The following SPATA16 variants were observed in gnomAD, a reference collection of about 807,000 sequenced individuals.
The protein encoded by SPATA16 is spermatogenesis-associated protein 16.
In SPATA16, 36 loss-of-function variants were observed where a neutral mutation model predicts 63.3. The observed-to-expected ratio is 0.57, with a 90% CI of 0.44 to 0.75. The LOEUF (loss-of-function observed/expected upper bound fraction) is 0.75. Among genes scored for constraint, SPATA16 ranks in the 30% least tolerant of loss-of-function variants. SPATA16 has a pLI of 0.00. For synonymous variants in SPATA16, 203 were observed against 216.7 expected, an observed-to-expected ratio of 0.94 and a Z score of 0.56; for missense variants, 646 against 679.3, an observed-to-expected ratio of 0.95 and a Z score of 0.54.
intron 4 of SPATA16, among the ~76,000 whole-genome samples, chr3:173,011,970 T>C (rs2108272255): frequency 6.6e-6 from 1 of 152,218 alleles, no homozygotes; most frequent in Non-Finnish European, 1.5e-5. Flanking sequence ...TGTGCCACCA[T>C]GCCCAGCTAA....
At chr3:172,985,565 A>G (rs935636801) in intron 4 of SPATA16, among the ~76,000 whole-genome samples, 6 of 152,230 alleles carry the variant, frequency 3.9e-5, no homozygotes, top group Non-Finnish European at 7.3e-5. Flanking sequence ...TAAGTACCTT[A>G]TGTTAACTAA....
intron 3 of SPATA16, among the ~76,000 whole-genome samples, chr3:173,022,229 G>A (rs2108278164): frequency 6.6e-6 from 1 of 152,188 alleles, no homozygotes; most frequent in East Asian, 1.9e-4. Context: ...GTATGGTGTT[G>A]AAGAAATGCA....
chr3:173,011,869 A>G (rs1392729676), intron 4 of SPATA16, among the ~76,000 whole-genome samples: 1 of 152,166 alleles, frequency 6.6e-6, no homozygotes, highest in Non-Finnish European at 1.5e-5. Flanking sequence ...GATGGAGTGC[A>G]GTGGCATGAT....
chr3:173,042,309 C>T (rs989983344), intron 3 of SPATA16, among the ~76,000 whole-genome samples: 9 of 152,066 alleles, frequency 5.9e-5, no homozygotes, highest in African/African-American at 2.2e-4. Context: ...GTGGCCTCTC[C>T]CTCCCGGGTT....
intron 2 of SPATA16, among the ~76,000 whole-genome samples, chr3:173,100,069 T>C (rs1384438399): frequency 6.6e-6 from 1 of 152,146 alleles, no homozygotes; most frequent in African/African-American, 2.4e-5. Flanking sequence ...TGTTTTAGAA[T>C]GCACTCCCAG....
At chr3:173,104,323 A>G (rs1311773625) in intron 2 of SPATA16, among the ~76,000 whole-genome samples, 1 of 152,180 alleles carries the variant, frequency 6.6e-6, no homozygotes, top group Non-Finnish European at 1.5e-5. Context: ...AGTTATCTTT[A>G]TAGCAGTGCC....
At chr3:173,057,968 A>G (rs1266987780) in intron 2 of SPATA16, among the ~76,000 whole-genome samples, 2 of 152,180 alleles carry the variant, frequency 1.3e-5, no homozygotes, top group African/African-American at 4.8e-5. Context: ...AGAGAAAACA[A>G]CTCTAGCAAC....
chr3:172,899,945 G>A (rs1732092889), intron 10 of SPATA16, among the ~76,000 whole-genome samples: 1 of 152,050 alleles, frequency 6.6e-6, no homozygotes. Flanking sequence ...ATTAAACAAT[G>A]TTATTATTTT....
intron 2 of SPATA16, among the ~76,000 whole-genome samples, chr3:173,072,055 A>T (rs7649522): frequency 0.19 from 28,266 of 152,038 alleles, 2,962 homozygotes; most frequent in African/African-American, 0.29. Context: ...CAGCAATCCC[A>T]TTACTGGATA....
At chr3:173,057,802 T>C (rs1408123034) in intron 2 of SPATA16, among the ~76,000 whole-genome samples, 1 of 152,228 alleles carries the variant, frequency 6.6e-6, no homozygotes, top group African/African-American at 2.4e-5. Flanking sequence ...TTACATCTAT[T>C]AAATCTCATA....
At chr3:173,040,258 A>G (rs1735809122) in intron 3 of SPATA16, among the ~76,000 whole-genome samples, 1 of 152,082 alleles carries the variant, frequency 6.6e-6, no homozygotes, top group Non-Finnish European at 1.5e-5. Context: ...ATATATAGCT[A>G]TATTTAATTA....
At chr3:173,109,690 C>A (rs1198640411) in intron 2 of SPATA16, among the ~76,000 whole-genome samples, 2 of 152,046 alleles carry the variant, frequency 1.3e-5, no homozygotes, top group African/African-American at 2.4e-5. Flanking sequence ...AGAAAAAAAT[C>A]TTTTAAAATA....
chr3:172,982,194 A>C (rs1159229731), intron 4 of SPATA16, among the ~76,000 whole-genome samples: 1 of 152,250 alleles, frequency 6.6e-6, no homozygotes, highest in Non-Finnish European at 1.5e-5. Context: ...TACATAGCTT[A>C]CTAGGATTCT....
At chr3:173,115,127 A>G (rs1355653) in intron 2 of SPATA16, among the ~76,000 whole-genome samples, 25,536 of 152,168 alleles carry the variant, frequency 0.17, 2,339 homozygotes, top group East Asian at 0.32. Flanking sequence ...GAGAAACACA[A>G]GCATTATGCA....
intron 10 of SPATA16, among the ~76,000 whole-genome samples, chr3:172,905,342 C>T (rs978330805): frequency 1.3e-5 from 2 of 152,166 alleles, no homozygotes; most frequent in South Asian, 4.1e-4. Flanking sequence ...GCAGTACCCT[C>T]AGAAGTACTA....
chr3:173,088,072 T>TTCTTTCTG (rs1737121696), intron 2 of SPATA16, among the ~76,000 whole-genome samples: 6 of 128,108 alleles, frequency 4.7e-5, no homozygotes, highest in African/African-American at 1.2e-4. Flanking sequence ...CTTTCTTTCT[T>TTCTTTCTG]TCTTTCTGTC....
intron 2 of SPATA16, among the ~76,000 whole-genome samples, chr3:173,089,814 C>T (rs1261604902): frequency 6.6e-6 from 1 of 152,138 alleles, no homozygotes; most frequent in African/African-American, 2.4e-5. Flanking sequence ...AGCACTACTC[C>T]TCCAGGACTC....
At chr3:172,963,365 A>G (rs1022638037) in intron 5 of SPATA16, among the ~76,000 whole-genome samples, 1 of 152,080 alleles carries the variant, frequency 6.6e-6, no homozygotes, top group Non-Finnish European at 1.5e-5. Flanking sequence ...TAAACAGGTT[A>G]CTTGTAGCAA....
At chr3:173,086,621 G>A (rs1737062003) in intron 2 of SPATA16, among the ~76,000 whole-genome samples, 1 of 152,028 alleles carries the variant, frequency 6.6e-6, no homozygotes, top group African/African-American at 2.4e-5. Context: ...TCTGTTAGTT[G>A]CAATGTTAGG....
Sources: gnomAD v4.1 joint callset for allele counts (sites outside exome capture counted in the v4.1 genomes callset) on GRCh38, gnomAD v4.1.1 for gene constraint, MANE v1.5 for transcripts, NCBI Gene and HGNC (gene_info 2026-07-23, HGNC 2026-07-21) for gene names.